Variants in IKZF4 observed in about 807,000 individuals in gnomAD.
IKZF4 encodes the protein zinc finger protein Eos.
IKZF4 carries 11 observed loss-of-function variants against 47.7 expected under a neutral mutation model. The observed-to-expected ratio is 0.23, with a 90% confidence interval of 0.15 to 0.38. The LOEUF (loss-of-function observed/expected upper bound fraction) is 0.38. Ranked by LOEUF, IKZF4 falls within the 10% of genes least tolerant of loss-of-function variation. The probability of loss-of-function intolerance (pLI) is 1.00; values close to 1 mark genes in which losing one functional copy is unlikely to be tolerated. For synonymous variants in IKZF4, 298 were observed against 299.4 expected, an observed-to-expected ratio of 1.00 and a Z score of 0.05; for missense variants, 557 against 784.9, an observed-to-expected ratio of 0.71 and a Z score of 3.47.
chr12:56,016,525 G>A (rs1349977251), upstream of IKZF4, among the ~76,000 whole-genome samples: 1 of 150,274 alleles, frequency 6.7e-6, no homozygotes, highest in Non-Finnish European at 1.5e-5. Flanking sequence ...AGGCTCAAGC[G>A]ATTCTCCTGC....
chr12:56,015,598 G>C (rs1412653898), intron 2 of IKZF4, among the ~76,000 whole-genome samples: 1 of 152,022 alleles, frequency 6.6e-6, no homozygotes, highest in African/African-American at 2.4e-5. Context: ...GTTTCACCAC[G>C]TTGGCTAGGC....
At chr12:56,023,861 T>G in intron 2 of IKZF4, 97 bp downstream of exon 2, 1 of 1,526,454 alleles carries the variant, frequency 6.6e-7, no homozygotes, top group South Asian at 1.2e-5. Flanking sequence ...CACTCTCCCT[T>G]GCTTTCTCTT....
chr12:56,027,677 A>G (rs1053946799), intron 4 of IKZF4, 103 bp from the exon 5 acceptor site: 2 of 1,179,190 alleles, frequency 1.7e-6, no homozygotes, highest in African/African-American at 3.0e-5. Flanking sequence ...CAATGTGTTC[A>G]GAGCACCTTC....
intron 1 of IKZF4, chr12:56,007,768 C>CG (rs1375853961): frequency 7.3e-6 from 1 of 136,838 alleles, no homozygotes; most frequent in Non-Finnish European, 1.6e-5. Context: ...GGGGGTAAAG[C>CG]GGGGGCGGGG....
chr12:56,014,302 TAGAA>T (rs911466823), intron 2 of IKZF4, among the ~76,000 whole-genome samples: 10 of 152,346 alleles, frequency 6.6e-5, no homozygotes, highest in Middle Eastern at 6.8e-3. Flanking sequence ...AGTTTACTGT[TAGAA>T]AGAAAGTCCA....
intron 5 of IKZF4, among the ~76,000 whole-genome samples, chr12:56,031,589 G>A (rs533192898): frequency 1.3e-5 from 2 of 152,220 alleles, no homozygotes; most frequent in East Asian, 1.9e-4. Flanking sequence ...AAGGTTAGGG[G>A]TGAATAGTAA....
In IKZF4 at chr12:56,037,697, A is replaced by T. The variant is rs542168044; in HGVS notation, c.*2366A>T. 2 of 152,632 alleles carry T rather than the reference A, an allele frequency of 1.3e-5. No homozygotes were observed. The highest frequency in any genetic ancestry group is 4.8e-5 in the African/African-American group (2 of 41,406). 9.5% of individuals were successfully genotyped at this position (152,632 alleles called of 1,614,324 possible). On this transcript the variant is annotated 3_prime_UTR_variant, in exon 8 of 8. Coordinates refer to ENST00000547167, the MANE Select transcript of IKZF4 (RefSeq NM_022465.4). ...GGAAGGGCAAGACCAGGTGCTAAGG[A>T]GGGGAGAGGGGGCATCCTGTCTCTC...
chr12:56,034,928 G>A lies in IKZF4; in HGVS notation c.1355G>A (p.Gly452Asp). Residue 452 changes from glycine (G) to aspartate (D), a missense_variant, in exon 8 of 8, where the codon GGC becomes GAC. Gly to Asp is a moderately conservative substitution (Grantham distance 94). Around this residue, in one of 6 missense-constraint regions of IKZF4, gnomAD observed 280 missense variants for 314.0 expected, o/e 0.89. Coordinates refer to ENST00000547167, the MANE Select transcript of IKZF4 (RefSeq NM_022465.4). Reference protein sequence around the residue: ...LTDPGASPSNGCQDSTDTESN... With the variant: ...LTDPGASPSNDCQDSTDTESN... Reference sequence around the variant, plus strand: ...GACCCTGGGGCATCCCCCAGCAATGGCTGCCAGGACTCCACAGACACAGAA... The same window carrying A: ...GACCCTGGGGCATCCCCCAGCAATGACTGCCAGGACTCCACAGACACAGAA... 1 of 1,593,132 alleles carries A rather than the reference G, an allele frequency of 6.3e-7. No homozygotes were observed. Among genetic ancestry groups the A allele is most frequent in the Non-Finnish European group, 8.6e-7 (1 of 1,167,180 alleles).
At chr12:56,032,793 A>G (rs1619653) in intron 6 of IKZF4, 83 bp downstream of exon 6, 1,421,518 of 1,441,874 alleles carry the variant, frequency 0.99, 702,567 homozygotes, top group East Asian at 1. Flanking sequence ...AGTATCTCCC[A>G]CACTGAGGGA....
intron 2 of IKZF4, 28 bp downstream of exon 2, chr12:56,023,792 G>C (rs1328904422): frequency 6.2e-7 from 1 of 1,608,086 alleles, no homozygotes; most frequent in Non-Finnish European, 8.5e-7. Flanking sequence ...TGGGCAATTG[G>C]GTAAAGTACT....
In IKZF4 at chr12:56,035,035, G is replaced by A. The variant is rs1017718430; in HGVS notation, c.1462G>A (p.Gly488Ser). 9 of 1,563,856 alleles carry A rather than the reference G, an allele frequency of 5.8e-6. No homozygotes were observed. In the African/African-American group the frequency reaches 1.1e-4, roughly 19 times the overall value. ...CCAGCCACCTCCCACCATTGTGGTG[G>A]GCCGGCACAGTCCTGCCTACGCCAA... Reference protein sequence around the residue: ...PPQPPPTIVVGRHSPAYAKED... With the variant: ...PPQPPPTIVVSRHSPAYAKED... The change falls in exon 8 of 8, where the codon GGC becomes AGC. Residue 488 changes from glycine (G) to serine (S), a missense_variant. Physicochemically the swap from Gly to Ser is moderately conservative, Grantham distance 56. Coordinates refer to ENST00000547167, the MANE Select transcript of IKZF4 (RefSeq NM_022465.4). This position sits in a 1 kb window ranked among gnomAD's most constrained non-coding sequence, Gnocchi z 6.1.
intron 7 of IKZF4, among the ~76,000 whole-genome samples, chr12:56,033,549 T>C (rs763936430): frequency 2.0e-5 from 3 of 151,724 alleles, no homozygotes; most frequent in Non-Finnish European, 4.4e-5. Context: ...CTACTAAAAA[T>C]ACAAAAAATT....
intron 1 of IKZF4, among the ~76,000 whole-genome samples, chr12:56,009,576 T>C (rs1891105728): frequency 6.6e-6 from 1 of 152,134 alleles, no homozygotes; most frequent in Admixed American, 6.5e-5. Flanking sequence ...AAATAAAATC[T>C]TAAAAGAAGA....
chr12:56,034,835 CAGGTGAGGG>C lies in IKZF4; in HGVS notation c.1264_1272del (p.Gly422_Gly424del). ...CTGGAGCTTCCAGGATCCCGAGAAG[CAGGTGAGGG>C]ACCTGAGGACCTGGCTGATGGAGGT... is the stretch of plus-strand genomic sequence containing the variant. On this transcript the variant is annotated inframe_deletion, in exon 8 of 8. Coordinates refer to ENST00000547167, the MANE Select transcript of IKZF4 (RefSeq NM_022465.4). 1 of 1,613,806 alleles carries C rather than the reference CAGGTGAGGG, an allele frequency of 6.2e-7. No individual in the cohort carries two copies.
At position 56,034,689 on chromosome 12, in the gene IKZF4, C is replaced by A; in HGVS notation, c.1116C>A (p.Ser372=). ...HHSLEPGFGS[S]LAFVGAEHLR... is the part of the protein sequence containing the mutation. ...GCCTAGAGCCTGGCTTTGGAAGTTC[C>A]CTGGCCTTTGTGGGTGCAGAGCATC... Residue 372 remains serine (S), a synonymous_variant, in exon 8 of 8, where the codon TCC becomes TCA. Transcript: ENST00000547167. 6.2e-7 allele frequency: 1 copy of A among 1,614,030 alleles called. No homozygotes were observed.
rs34923817 is a variant in IKZF4 at position 56,022,797 on chromosome 12, CTTTTTTTTT to C, written c.88-862_88-854del. ...AAAGGATGCTTTTCCCTCAGTGTTT[CTTTTTTTTT>C]TTTTTTTTTTTGAGACGGAGTCTCG... is the stretch of plus-strand genomic sequence containing the variant. On this transcript the variant is annotated intron_variant, in intron 1 of 7. Transcript: ENST00000547167. Among the ~76,000 whole-genome samples the C allele has an allele frequency of 9.5e-5, 12 of 126,292 alleles. 1 individual carries two copies. The highest frequency in any genetic ancestry group is 8.0e-4 in the Admixed American group (10 of 12,468). The allele number at this position is 126,292 out of a possible 152,430, so 82.9% of individuals were successfully genotyped here.
In IKZF4 at chr12:56,035,341, CCT is replaced by C; in HGVS notation, c.*16_*17del. The stretch of plus-strand genomic sequence containing the variant: ...GCATAAGGTGGGCTAGCAACCTCTC[CCT>C]CTCTCCTCAGTCCACCACTCCACTG... On this transcript the variant is annotated 3_prime_UTR_variant, in exon 8 of 8. Coordinates refer to ENST00000547167, the MANE Select transcript of IKZF4 (RefSeq NM_022465.4). This position sits in a 1 kb window ranked among gnomAD's most constrained non-coding sequence, Gnocchi z 6.1. 1 of 1,597,558 alleles carries C rather than the reference CCT, an allele frequency of 6.3e-7. No individual in the cohort carries two copies. The highest frequency in any genetic ancestry group is 8.5e-7 in the Non-Finnish European group (1 of 1,171,088).
rs191225461 is a variant in IKZF4 at position 56,008,499 on chromosome 12, C to G, written c.-292+765C>G. 4.9e-4 allele frequency among the ~76,000 whole-genome samples: 75 copies of G among 152,092 alleles called. 2 individuals carry two copies. In the East Asian group the frequency reaches 8.1e-3, roughly 16 times the overall value. ...CTCATGGCTGCTAGAGTTGTAGGTT[C>G]TCACTTTTTAAATTTTCTATATTAT... On this transcript the variant is annotated intron_variant, in intron 1 of 11. Transcript: ENST00000262032.
rs1893678299 is a variant in IKZF4 at position 56,024,845 on chromosome 12, A to G, written c.182-209A>G. On this transcript the variant is annotated intron_variant, in intron 2 of 7. Coordinates refer to ENST00000547167, the MANE Select transcript of IKZF4 (RefSeq NM_022465.4). ...GGCCTAGATAAAGGTAGGGTAGGCA[A>G]GGCCCAGCCACTGAGCTCACAGAAG... 1.2e-5 allele frequency: 17 copies of G among 1,438,450 alleles called. No individual in the cohort carries two copies. The South Asian group carries it at 2.3e-4, about 20-fold the overall frequency. The allele number at this position is 1,438,450 out of a possible 1,614,324, so 89.1% of individuals were successfully genotyped here.
Sources: allele counts gnomAD v4.1 joint callset (sites outside exome capture counted in the v4.1 genomes callset), GRCh38; gene constraint gnomAD v4.1.1; regional missense constraint gnomAD v4.1.1; non-coding constraint Gnocchi (gnomAD v3.1); transcripts MANE v1.5; gene names NCBI Gene and HGNC (gene_info 2026-07-23, HGNC 2026-07-21).